KLF12: variants seen among roughly 807,000 people sequenced by gnomAD.
KLF12 encodes Krueppel-like factor 12.
Under a neutral mutation model 37.8 loss-of-function variants are expected in KLF12, and 9 were observed. The ratio of observed to expected loss-of-function variants is 0.24; its 90% CI spans 0.14 to 0.42. The LOEUF is 0.42. Among genes scored for constraint, KLF12 ranks in the 10% least tolerant of loss-of-function variants. The pLI is 1.00. For synonymous variants in KLF12, 208 were observed against 202.1 expected, an observed-to-expected ratio of 1.03 and a Z score of -0.25; for missense variants, 411 against 516.0, an observed-to-expected ratio of 0.80 and a Z score of 1.97.
chr13:74,270,327 A>G, the KLF12 span, among the ~76,000 whole-genome samples: 2 of 152,216 alleles, frequency 1.3e-5, no homozygotes, highest in African/African-American at 4.8e-5. Flanking sequence ...AGGGTTTTGC[A>G]GGATATGGTA....
chr13:74,216,286 T>C, the KLF12 span, among the ~76,000 whole-genome samples: 1 of 152,208 alleles, frequency 6.6e-6, no homozygotes, highest in South Asian at 2.1e-4. Context: ...GAGAACCTAA[T>C]TTCAGTGTGG....
the KLF12 span, among the ~76,000 whole-genome samples, chr13:74,216,100 C>T: frequency 6.6e-6 from 1 of 152,096 alleles, no homozygotes; most frequent in Non-Finnish European, 1.5e-5. Flanking sequence ...AGGCAGGCTC[C>T]CTTTTGGCAC....
chr13:73,887,937 C>G (rs780568376), intron 3 of KLF12, among the ~76,000 whole-genome samples: 2 of 152,048 alleles, frequency 1.3e-5, no homozygotes, highest in African/African-American at 2.4e-5. Context: ...TTTTGTAAAT[C>G]TGTTTTATTT....
intron 2 of KLF12, among the ~76,000 whole-genome samples, chr13:73,981,436 A>C (rs1891685384): frequency 6.6e-6 from 1 of 152,222 alleles, no homozygotes; most frequent in Non-Finnish European, 1.5e-5. Flanking sequence ...TTGTGGAAAT[A>C]AATAATCTTA....
chr13:73,891,699 T>C (rs947772922), intron 3 of KLF12, among the ~76,000 whole-genome samples: 9 of 152,074 alleles, frequency 5.9e-5, no homozygotes, highest in African/African-American at 2.2e-4. Context: ...ACTGTTTATA[T>C]ACCTCAATTT....
At chr13:74,027,973 A>G (rs530248179) in intron 1 of KLF12, among the ~76,000 whole-genome samples, 26 of 152,312 alleles carry the variant, frequency 1.7e-4, no homozygotes, top group Non-Finnish European at 3.1e-4. Flanking sequence ...TCCCTTGTAA[A>G]GAAAGAAGAA....
rs138843777 is a variant in KLF12 at position 73,952,757 on chromosome 13, C to T, written c.34-8687G>A. ...AACAGGTGGTGACGAGTCATGAAGGCTTATTAAGCAAAAGCTAAGTTTAAG... is the reference window on the plus strand; with the variant it reads ...AACAGGTGGTGACGAGTCATGAAGGTTTATTAAGCAAAAGCTAAGTTTAAG... On this transcript the variant is annotated intron_variant, in intron 2 of 7. Coordinates refer to ENST00000377669, the MANE Select transcript of KLF12 (RefSeq NM_007249.5). Among the ~76,000 whole-genome samples, 13 of 152,242 alleles carry T rather than the reference C, an allele frequency of 8.5e-5. No homozygotes were observed. The East Asian group carries it at 2.5e-3, about 29-fold the overall frequency.
chr13:74,086,019 A>G (rs1438248369), intron 1 of KLF12, among the ~76,000 whole-genome samples: 1 of 150,818 alleles, frequency 6.6e-6, no homozygotes, highest in East Asian at 1.9e-4. Flanking sequence ...ATTATGAAAG[A>G]TATATTGAGT....
chr13:74,265,096 GAC>G, the KLF12 span, among the ~76,000 whole-genome samples: 1 of 152,122 alleles, frequency 6.6e-6, no homozygotes, highest in African/African-American at 2.4e-5. Flanking sequence ...AGACATAGAT[GAC>G]CATTTTTACT....
At chr13:73,937,175 C>T (rs371639883) in intron 3 of KLF12, among the ~76,000 whole-genome samples, 150 of 147,798 alleles carry the variant, frequency 1.0e-3, no homozygotes, top group African/African-American at 3.2e-3. Context: ...GGCGACAGAG[C>T]GAGACTCCGT....
intron 1 of KLF12, among the ~76,000 whole-genome samples, chr13:74,033,365 CT>C (rs1893163981): frequency 6.6e-6 from 1 of 152,220 alleles, no homozygotes. Context: ...TGGCTCCACA[CT>C]TCCAACTGGT....
intron 1 of KLF12, among the ~76,000 whole-genome samples, chr13:74,007,578 A>G (rs1892444854): frequency 6.6e-6 from 1 of 152,128 alleles, no homozygotes; most frequent in South Asian, 2.1e-4. Flanking sequence ...GCCGGCCAAG[A>G]CAAGGGTATT....
chr13:73,719,593 A>G (rs181857168), intron 6 of KLF12, among the ~76,000 whole-genome samples: 1 of 150,098 alleles, frequency 6.7e-6, no homozygotes, highest in African/African-American at 2.4e-5. Context: ...TCCTACGCCC[A>G]TTTCCCCGAG....
At chr13:74,194,678 T>C in the KLF12 span, among the ~76,000 whole-genome samples, 1 of 152,196 alleles carries the variant, frequency 6.6e-6, no homozygotes, top group Non-Finnish European at 1.5e-5. Flanking sequence ...ATATGTTGTG[T>C]TTTAAGGGCC....
chr13:73,853,224 A>G (rs2138739798), intron 3 of KLF12, among the ~76,000 whole-genome samples: 1 of 152,342 alleles, frequency 6.6e-6, no homozygotes. Flanking sequence ...TTCAATACAC[A>G]CATTTAAATT....
At chr13:73,990,788 AT>A (rs977483373) in intron 2 of KLF12, among the ~76,000 whole-genome samples, 8 of 152,068 alleles carry the variant, frequency 5.3e-5, no homozygotes, top group Admixed American at 2.6e-4. Flanking sequence ...TTCAATTCTT[AT>A]TTTTTTCATT....
intron 1 of KLF12, among the ~76,000 whole-genome samples, chr13:74,116,126 A>G (rs1566219752): frequency 6.6e-6 from 1 of 152,300 alleles, no homozygotes; most frequent in East Asian, 1.9e-4. Context: ...GGAAAACTTA[A>G]TTTCTTCCCT....
intron 2 of KLF12, among the ~76,000 whole-genome samples, chr13:73,947,487 C>CA (rs1366757318): frequency 1.3e-5 from 2 of 151,670 alleles, no homozygotes; most frequent in African/African-American, 2.4e-5. Flanking sequence ...TCTGTCTCTA[C>CA]AAAAAATACA....
At chr13:73,754,805 T>C (rs747894282) in intron 6 of KLF12, among the ~76,000 whole-genome samples, 8 of 152,172 alleles carry the variant, frequency 5.3e-5, no homozygotes, top group Non-Finnish European at 1.2e-4. Flanking sequence ...GTCACTTGGC[T>C]GCATTTCAGT....
Sources: gnomAD v4.1 joint callset for allele counts (sites outside exome capture counted in the v4.1 genomes callset) on GRCh38, gnomAD v4.1.1 for gene constraint, MANE v1.5 for transcripts, NCBI Gene and HGNC (gene_info 2026-07-23, HGNC 2026-07-21) for gene names.